Variants in SHANK2 observed in about 807,000 individuals in gnomAD.
SHANK2 encodes the protein SH3 and multiple ankyrin repeat domains protein 2.
Under a neutral mutation model 133.7 loss-of-function variants are expected in SHANK2, and 43 were observed. The observed-to-expected ratio is 0.32, with a 90% CI of 0.25 to 0.41. The LOEUF is 0.41. Among genes scored for constraint, SHANK2 ranks in the 10% least tolerant of loss-of-function variants. The pLI, the probability that SHANK2 is intolerant of heterozygous loss-of-function variation, is 1.00. For synonymous variants in SHANK2, 1,017 were observed against 952.8 expected (o/e 1.07, Z -1.24); for missense variants, 1,994 against 2,235.8 (o/e 0.89, Z 2.18).
In SHANK2 at chr11:71,175,393, C is replaced by T. The variant is rs996802843; in HGVS notation, c.-12-28055G>A. 2.6e-5 allele frequency among the ~76,000 whole-genome samples: 4 copies of T among 151,328 alleles called. No homozygotes were observed. The East Asian group carries it at 7.8e-4, about 30-fold the overall frequency. Reference sequence around the variant, plus strand: ...TGCTGCTGGGTGGTCCTGTGGACACCGAAGCAGGAAAGTGAGTCTGTAAAG... The same window carrying T: ...TGCTGCTGGGTGGTCCTGTGGACACTGAAGCAGGAAAGTGAGTCTGTAAAG... On this transcript the variant is annotated intron_variant, in intron 2 of 25. Coordinates refer to ENST00000601538, the MANE Select transcript of SHANK2 (RefSeq NM_012309.5). This position sits in a 1 kb window ranked among gnomAD's most constrained non-coding sequence, Gnocchi z 4.2.
chr11:70,830,357 GC>G lies in SHANK2; in HGVS notation c.1175-9676del, dbSNP rs1948708523. Among the ~76,000 whole-genome samples the G allele has an allele frequency of 6.6e-6, 1 of 152,152 alleles. No individual in the cohort carries two copies. The highest frequency in any genetic ancestry group is 2.1e-4 in the South Asian group (1 of 4,836). ...TTCCGTGTGAGTGTTTGGGGTCCGG[GC>G]CCTCCCAGAAATCCACACTTGGGGT... On this transcript the variant is annotated intron_variant, in intron 11 of 25. Coordinates refer to ENST00000601538, the MANE Select transcript of SHANK2 (RefSeq NM_012309.5). This position sits in a 1 kb window ranked among gnomAD's most constrained non-coding sequence, Gnocchi z 4.4.
At chr11:71,218,224 A>G (rs535091511) in intron 2 of SHANK2, among the ~76,000 whole-genome samples, 2 of 151,456 alleles carry the variant, frequency 1.3e-5, no homozygotes, top group East Asian at 3.9e-4. Flanking sequence ...AGCTAAAGTC[A>G]ATTTATTATT....
intron 17 of SHANK2, among the ~76,000 whole-genome samples, chr11:70,583,592 G>A (rs1250124343): frequency 2.0e-5 from 3 of 152,214 alleles, no homozygotes; most frequent in Admixed American, 2.0e-4. Context: ...TGCCCAGATG[G>A]CACGGAAAAC....
chr11:70,841,883 T>A (rs1354100429), intron 11 of SHANK2, among the ~76,000 whole-genome samples: 1 of 152,134 alleles, frequency 6.6e-6, no homozygotes. Flanking sequence ...CTTCTCCAAG[T>A]CTTGGCTACT....
chr11:71,143,000 G>A (rs1565475937), intron 3 of SHANK2, among the ~76,000 whole-genome samples: 1 of 152,186 alleles, frequency 6.6e-6, no homozygotes, highest in South Asian at 2.1e-4. Context: ...TTGGGAGGCC[G>A]AGGCAGGTGG....
chr11:70,752,197 C>A (rs1447410445), intron 14 of SHANK2, among the ~76,000 whole-genome samples: 2 of 152,070 alleles, frequency 1.3e-5, no homozygotes, highest in East Asian at 3.9e-4. Context: ...AATCCCTCCC[C>A]CCTTGGCCTC....
chr11:71,248,838 A>G (rs1233385413), intron 1 of SHANK2, among the ~76,000 whole-genome samples: 1 of 151,934 alleles, frequency 6.6e-6, no homozygotes, highest in African/African-American at 2.4e-5. Flanking sequence ...GACCCTTTCT[A>G]TGCCCTGCAG....
At chr11:70,917,906 A>G (rs1175317587) in intron 10 of SHANK2, among the ~76,000 whole-genome samples, 1 of 152,222 alleles carries the variant, frequency 6.6e-6, no homozygotes, top group Non-Finnish European at 1.5e-5. Context: ...ACTAATGGGC[A>G]CTAGGTTTAA....
chr11:71,216,646 GGC>G (rs1398506852), intron 2 of SHANK2, among the ~76,000 whole-genome samples: 1 of 152,164 alleles, frequency 6.6e-6, no homozygotes, highest in African/African-American at 2.4e-5. Flanking sequence ...TGTATGCAAT[GGC>G]GGTCCCATAA....
rs60129845 is a variant in SHANK2, at chr11:71,184,579, A to G, written c.-12-37241T>C. 2.8e-3 allele frequency among the ~76,000 whole-genome samples: 427 copies of G among 152,230 alleles called. 2 individuals are homozygous for G. Among genetic ancestry groups the G allele is most frequent in the African/African-American group, 9.9e-3 (412 of 41,552 alleles). On this transcript the variant is annotated intron_variant, in intron 2 of 25. Coordinates refer to ENST00000601538, the MANE Select transcript of SHANK2 (RefSeq NM_012309.5). ...GCAGGTGCCCACGGCCATGCCACTT[A>G]GCGGGCAGGACTCAGGGCCCTTCTC...
chr11:70,488,830 G>T (rs1242120011), intron 24 of SHANK2, among the ~76,000 whole-genome samples: 2 of 152,232 alleles, frequency 1.3e-5, no homozygotes, highest in Admixed American at 1.3e-4. Context: ...AATGTGTGGG[G>T]ATGCAGCTGA....
At chr11:70,914,031 C>T (rs1950232905) in intron 10 of SHANK2, among the ~76,000 whole-genome samples, 3 of 152,140 alleles carry the variant, frequency 2.0e-5, no homozygotes, top group Admixed American at 1.3e-4. Flanking sequence ...AGCATATTTA[C>T]ACTGGGGCGG....
At position 71,166,946 on chromosome 11, in the gene SHANK2, T is replaced by G. The variant is rs557868485; in HGVS notation, c.-12-19608A>C. Among the ~76,000 whole-genome samples, 1,340 of 137,910 alleles carry G rather than the reference T, an allele frequency of 9.7e-3. 84 individuals carry two copies. Among genetic ancestry groups the G allele is most frequent in the African/African-American group, 0.032 (1,283 of 39,800 alleles). The allele number at this position is 137,910 out of a possible 152,430, so 90.5% of individuals were successfully genotyped here. A position where few individuals can be genotyped will look rare whatever the true frequency, so the allele number is the denominator to read the frequency against. ...CAGAGGACCCTGCGGCCTTCCGCAG[T>G]GTTTGTGTCCCTGGGTACTTGAGAT... On this transcript the variant is annotated intron_variant, in intron 2 of 25. Coordinates refer to ENST00000601538, the MANE Select transcript of SHANK2 (RefSeq NM_012309.5).
chr11:70,896,691 C>G (rs968422861), intron 10 of SHANK2, 124 bp from the exon 11 acceptor site: 1 of 623,700 alleles, frequency 1.6e-6, no homozygotes, highest in Non-Finnish European at 2.9e-6. Context: ...AAATGGCAGC[C>G]GCAATATCAA....
intron 3 of SHANK2, among the ~76,000 whole-genome samples, chr11:71,121,246 G>T (rs1356018104): frequency 1.3e-5 from 2 of 152,238 alleles, no homozygotes; most frequent in African/African-American, 4.8e-5. Flanking sequence ...CAGGGCTGCT[G>T]TCAGGATCAA....
intron 14 of SHANK2, among the ~76,000 whole-genome samples, chr11:70,757,431 CT>C (rs1379455172): frequency 2.0e-5 from 3 of 152,256 alleles, no homozygotes; most frequent in African/African-American, 7.2e-5. Flanking sequence ...GAAATGTCCC[CT>C]ACATGGAGAG....
intron 8 of SHANK2, among the ~76,000 whole-genome samples, chr11:71,082,289 C>A (rs1951311188): frequency 6.6e-6 from 1 of 152,214 alleles, no homozygotes; most frequent in African/African-American, 2.4e-5. Context: ...GGCTTGGACA[C>A]CGCGGTCACT....
intron 2 of SHANK2, among the ~76,000 whole-genome samples, chr11:71,222,782 G>A (rs1329793503): frequency 6.6e-6 from 1 of 152,218 alleles, no homozygotes; most frequent in East Asian, 1.9e-4. Context: ...AGGATAAAGG[G>A]GTGGACCACC....
intron 1 of SHANK2, among the ~76,000 whole-genome samples, chr11:71,227,438 T>C (rs1555122399): frequency 6.6e-6 from 1 of 152,026 alleles, no homozygotes; most frequent in Non-Finnish European, 1.5e-5. Flanking sequence ...TAATATTAGA[T>C]AAAGTAGACT....
Sources: allele counts gnomAD v4.1 joint callset (sites outside exome capture counted in the v4.1 genomes callset), GRCh38; gene constraint gnomAD v4.1.1; non-coding constraint Gnocchi (gnomAD v3.1); transcripts MANE v1.5; gene names NCBI Gene and HGNC (gene_info 2026-07-23, HGNC 2026-07-21).